The following ENOX2 variants were observed in gnomAD, a reference collection of about 807,000 sequenced individuals.
ENOX2 encodes the protein ecto-NOX disulfide-thiol exchanger 2.
In ENOX2, 36 loss-of-function variants were observed where a neutral mutation model predicts 45.0. That is an observed-to-expected ratio of 0.80 (90% confidence interval 0.61 to 1.06). The LOEUF is 1.06. Ranked by LOEUF, ENOX2 falls within the 50% of genes least tolerant of loss-of-function variation. ENOX2 has a pLI of 0.00. For synonymous variants in ENOX2, 174 were observed against 152.3 expected, an observed-to-expected ratio of 1.14 and a Z score of -1.05; for missense variants, 423 against 462.5, an observed-to-expected ratio of 0.91 and a Z score of 0.78.
At chrX:130,861,406 C>CAA (rs946650876) in intron 2 of ENOX2, among the ~76,000 whole-genome samples, 2 of 111,458 alleles carry the variant, frequency 1.8e-5, no homozygotes, top group African/African-American at 3.3e-5. Context: ...CACACACACA[C>CAA]AACCAACCAC....
chrX:130,788,007 C>T (rs932384785), intron 2 of ENOX2, among the ~76,000 whole-genome samples: 1 of 111,956 alleles, frequency 8.9e-6, no homozygotes, highest in Non-Finnish European at 1.9e-5. Flanking sequence ...TGCTTCCTAG[C>T]TACTTTTACT....
intron 10 of ENOX2, among the ~76,000 whole-genome samples, chrX:130,654,426 T>G (rs772051776): frequency 9.4e-6 from 1 of 106,033 alleles, no homozygotes; most frequent in South Asian, 4.1e-4. Context: ...TCAAGTTTGG[T>G]AGCATGGACA....
intron 2 of ENOX2, among the ~76,000 whole-genome samples, chrX:130,891,927 G>C (rs1178852247): frequency 1.8e-5 from 2 of 111,791 alleles, no homozygotes; most frequent in African/African-American, 3.3e-5. Context: ...TCTGGAGTCA[G>C]GCAGACCTGA....
intron 2 of ENOX2, among the ~76,000 whole-genome samples, chrX:130,792,583 G>T (rs938883881): frequency 2.7e-5 from 3 of 110,899 alleles, no homozygotes. Flanking sequence ...TCACGAGGTC[G>T]GGAGTTCGAG....
At position 130,679,621 on chromosome X, in the gene ENOX2, G is replaced by A. The variant is rs781194834; in HGVS notation, c.381C>T (p.Ala127=). Reference sequence around the variant, plus strand: ...AGAAGTTCTTCTTGCTCTTGCGAATGGCAATGATCTCTCCACACTGCTCGA... The same window carrying A: ...AGAAGTTCTTCTTGCTCTTGCGAATAGCAATGATCTCTCCACACTGCTCGA... ...EVFEQCGEII[A]IRKSKKNFCH... is the part of the protein sequence containing the mutation. The change falls in exon 6 of 15, where the codon GCC becomes GCT. Residue 127 remains alanine, a synonymous_variant. Coordinates refer to ENST00000394363, the MANE Select transcript of ENOX2 (RefSeq NM_006375.4). The A allele has an allele frequency of 1.3e-5, 16 of 1,210,483 alleles. No homozygotes were observed. Among genetic ancestry groups the A allele is most frequent in the South Asian group, 8.8e-5 (5 of 56,920 alleles).
intron 2 of ENOX2, among the ~76,000 whole-genome samples, chrX:130,824,260 A>G (rs2148473973): frequency 8.9e-6 from 1 of 111,887 alleles, no homozygotes; most frequent in South Asian, 3.7e-4. Context: ...TAAATGTACA[A>G]TAGAGTATTG....
chrX:130,648,684 A>G (rs1303193541), intron 10 of ENOX2, among the ~76,000 whole-genome samples: 5 of 109,793 alleles, frequency 4.6e-5, no homozygotes, highest in Non-Finnish European at 7.6e-5. Context: ...TTTGGGTCAT[A>G]AGGGTGGATC....
At chrX:130,886,240 T>C (rs754016842) in intron 2 of ENOX2, among the ~76,000 whole-genome samples, 15 of 112,739 alleles carry the variant, frequency 1.3e-4, no homozygotes, top group Non-Finnish European at 2.6e-4. Flanking sequence ...CGAAATCAAC[T>C]GTCAAACCAC....
At chrX:130,830,521 A>G (rs2077803164) in intron 2 of ENOX2, among the ~76,000 whole-genome samples, 1 of 111,359 alleles carries the variant, frequency 9.0e-6, no homozygotes, top group Non-Finnish European at 1.9e-5. Context: ...GTCTCTATCT[A>G]TATTCTGTGT....
chrX:130,757,483 C>T lies in ENOX2; in HGVS notation c.-39+26064G>A, dbSNP rs192524106. Among the ~76,000 whole-genome samples, 25 of 111,553 alleles carry T rather than the reference C, an allele frequency of 2.2e-4. No homozygotes were observed. In the East Asian group the frequency reaches 6.2e-3, roughly 28 times the overall value. On this transcript the variant is annotated intron_variant, in intron 3 of 14. Coordinates refer to ENST00000394363, the MANE Select transcript of ENOX2 (RefSeq NM_006375.4). ...ACCTTTTGTGGTTAAAATCTTTGTG[C>T]TTTAAGATGACCAGGGAGGAAAGAG...
chrX:130,808,852 C>T (rs1473911477), intron 2 of ENOX2, among the ~76,000 whole-genome samples: 2 of 112,170 alleles, frequency 1.8e-5, no homozygotes, highest in Non-Finnish European at 3.8e-5. Flanking sequence ...ATGTTCATTT[C>T]GTATATTGTC....
At chrX:130,866,020 A>G (rs192466725) in intron 2 of ENOX2, among the ~76,000 whole-genome samples, 10 of 111,451 alleles carry the variant, frequency 9.0e-5, no homozygotes, top group African/African-American at 3.3e-4. Flanking sequence ...ATGCATACAT[A>G]TTTCTATTAT....
intron 13 of ENOX2, among the ~76,000 whole-genome samples, chrX:130,630,964 A>AAAAGAAAC (rs369904340): frequency 1.0e-5 from 1 of 99,875 alleles, no homozygotes; most frequent in African/African-American, 3.7e-5. Context: ...TCTGGAGGTT[A>AAAAGAAAC]AAACAAACAA....
intron 10 of ENOX2, among the ~76,000 whole-genome samples, chrX:130,644,723 T>A (rs1353422773): frequency 9.0e-6 from 1 of 111,679 alleles, no homozygotes; most frequent in African/African-American, 3.2e-5. Context: ...AAAAGATTAG[T>A]CATTGCCAGT....
intron 2 of ENOX2, among the ~76,000 whole-genome samples, chrX:130,821,742 T>TAAAAAAAAAAAAAAAAAAAA: frequency 3.0e-4 from 7 of 23,187 alleles, no homozygotes; most frequent in East Asian, 1.2e-3. Context: ...ATAAATAAAT[T>TAAAAAAAAAAAAAAAAAAAA]AAAAAAAAAA....
chrX:130,836,663 G>A (rs1050354614), intron 2 of ENOX2, among the ~76,000 whole-genome samples: 1 of 111,818 alleles, frequency 8.9e-6, no homozygotes, highest in African/African-American at 3.3e-5. Context: ...GTAGTGATAA[G>A]CTACGTTCCT....
At chrX:130,710,975 C>T (rs187855729) in intron 3 of ENOX2, among the ~76,000 whole-genome samples, 61 of 111,962 alleles carry the variant, frequency 5.4e-4, no homozygotes, top group Middle Eastern at 4.7e-3. Flanking sequence ...TTAGAAAATG[C>T]TTGAACAAAA....
At chrX:130,702,141 G>T (rs2037915092) in intron 4 of ENOX2, among the ~76,000 whole-genome samples, 1 of 111,627 alleles carries the variant, frequency 9.0e-6, no homozygotes, top group African/African-American at 3.3e-5. Flanking sequence ...CTGGAATTGT[G>T]AAATAATATT....
intron 10 of ENOX2, among the ~76,000 whole-genome samples, chrX:130,643,986 G>A (rs1375431352): frequency 2.7e-5 from 3 of 111,885 alleles, no homozygotes; most frequent in African/African-American, 6.5e-5. Context: ...TACAATGTAT[G>A]TTCTCAGATC....
Sources: allele counts gnomAD v4.1 joint callset (sites outside exome capture counted in the v4.1 genomes callset), GRCh38; gene constraint gnomAD v4.1.1; transcripts MANE v1.5; gene names NCBI Gene and HGNC (gene_info 2026-07-23, HGNC 2026-07-21).